The following SAMD9 variants were observed in gnomAD, a reference collection of about 807,000 sequenced individuals.
The protein encoded by SAMD9 is sterile alpha motif domain-containing protein 9.
In SAMD9, 3 loss-of-function variants were observed where a neutral mutation model predicts 1.5. That is an observed-to-expected ratio of 2.05 (90% CI 0.93 to 5.29). The LOEUF (loss-of-function observed/expected upper bound fraction) is 5.29, where lower values mean the gene tolerates loss of function less well. SAMD9 is among the 30% of genes most tolerant of loss of function. The probability of loss-of-function intolerance (pLI) is 0.02; values close to 1 mark genes in which losing one functional copy is unlikely to be tolerated. For missense variants in SAMD9, 1,597 were observed against 1,820.8 expected (o/e 0.88, Z 2.24); for synonymous variants, 635 against 631.9 (o/e 1.00, Z -0.07).
intron 2 of SAMD9, among the ~76,000 whole-genome samples, chr7:93,108,392 A>C (rs1478232534): frequency 6.6e-6 from 1 of 152,208 alleles, no homozygotes; most frequent in African/African-American, 2.4e-5. Flanking sequence ...TGTGAGAGAC[A>C]CAGAAGACAG....
In SAMD9 at chr7:93,101,448, T is replaced by G. The variant is rs1010471161; in HGVS notation, c.4650A>C (p.Thr1550=). ...CTAAAAAAGCGGGAGTGATGGGTAT[T>G]GTGATTTTTTCATTGATTCCATATT... The part of the protein sequence containing the change: ...YIEYGINEKI[T]IPITPAFLGQ... The change falls in exon 3 of 3, where the codon ACA becomes ACC. Residue 1550 remains threonine, a synonymous_variant. Coordinates refer to ENST00000379958, the MANE Select transcript of SAMD9 (RefSeq NM_017654.4). The G allele has an allele frequency of 1.2e-6, 2 of 1,613,662 alleles. No individual in the cohort carries two copies. Among genetic ancestry groups the G allele is most frequent in the Admixed American group, 3.3e-5 (2 of 59,958 alleles).
rs1791748330 is a variant in SAMD9 at position 93,111,752 on chromosome 7, A to T, written c.-9+3043T>A. ...CGACACATACACCCTCCCAAGACTA[A>T]ATCAGGAAGAAGTTGAATCCCTGAA... On this transcript the variant is annotated intron_variant, in intron 2 of 2. Coordinates refer to ENST00000379958, the MANE Select transcript of SAMD9 (RefSeq NM_017654.4). Among the ~76,000 whole-genome samples, 3 of 152,278 alleles carry T rather than the reference A, an allele frequency of 2.0e-5. No individual in the cohort carries two copies. In the South Asian group the frequency reaches 6.3e-4, roughly 32 times the overall value.
In SAMD9 at chr7:93,102,860, G is replaced by C. The variant is rs1175313979; in HGVS notation, c.3238C>G (p.Pro1080Ala). ...AACGCTTGGCAAATGAATGCATTTGGGTTGAACCGATGGATACTTTCAAGC... is the reference window on the plus strand; with the variant it reads ...AACGCTTGGCAAATGAATGCATTTGCGTTGAACCGATGGATACTTTCAAGC... ...VLLESIHRFN[P>A]NAFICQALAR... is the part of the protein sequence containing the mutation. Residue 1080 changes from proline (P) to alanine (A), a missense_variant, in exon 3 of 3, where the codon CCA (proline) becomes GCA (alanine). Around this residue, in one of 6 missense-constraint regions of SAMD9, gnomAD observed 682 missense variants for 810.0 expected, o/e 0.84. Transcript: ENST00000379958. 1 of 1,613,742 alleles carries C rather than the reference G, an allele frequency of 6.2e-7. No homozygotes were observed. The highest frequency in any genetic ancestry group is 2.2e-5 in the East Asian group (1 of 44,866).
rs767825338 is a variant in SAMD9 at position 93,100,430 on chromosome 7, A to G, written c.*898T>C. 5.9e-5 allele frequency: 9 copies of G among 152,092 alleles called. No homozygotes were observed. The highest frequency in any genetic ancestry group is 9.7e-5 in the African/African-American group (4 of 41,418). The allele number at this position is 152,092 out of a possible 1,614,324, so 9.4% of individuals were successfully genotyped here. On this transcript the variant is annotated 3_prime_UTR_variant, in exon 3 of 3. Coordinates refer to ENST00000379958, the MANE Select transcript of SAMD9 (RefSeq NM_017654.4). ...ATCCATTAGAAATTTTTGTTTTTTA[A>G]TCAGCTTTCCACTTAATGGTTTTGG...
At chr7:93,112,739 C>G (rs1227889194) in intron 2 of SAMD9, among the ~76,000 whole-genome samples, 1 of 152,116 alleles carries the variant, frequency 6.6e-6, no homozygotes, top group Non-Finnish European at 1.5e-5. Context: ...AGGAATCCAA[C>G]TTACAAGGGA....
chr7:93,110,893 T>TCC (rs529186019), intron 2 of SAMD9, among the ~76,000 whole-genome samples: 28 of 152,168 alleles, frequency 1.8e-4, no homozygotes, highest in Non-Finnish European at 3.2e-4. Context: ...ATTAGACAGA[T>TCC]CCACGAGACA....
At chr7:93,116,469 C>G (rs1374028507) in intron 1 of SAMD9, among the ~76,000 whole-genome samples, 1 of 152,114 alleles carries the variant, frequency 6.6e-6, no homozygotes, top group Non-Finnish European at 1.5e-5. Context: ...CACACTTCTT[C>G]CCCTAAAGCT....
At position 93,102,593 on chromosome 7, in the gene SAMD9, G is replaced by C; in HGVS notation, c.3505C>G (p.Gln1169Glu). Reference protein sequence around the residue: ...ASSAFKESQQQSEDREYEVKE... With the variant: ...ASSAFKESQQESEDREYEVKE... The stretch of plus-strand genomic sequence containing the variant: ...ACTTCATACTCTCTATCTTCACTTT[G>C]CTGTTGAGATTCTTTGAATGCACTT... The change falls in exon 3 of 3, where the codon CAA (glutamine) becomes GAA (glutamate). Residue 1169 changes from glutamine to glutamate, a missense_variant. Physicochemically the swap from Gln to Glu is conservative, Grantham distance 29. Coordinates refer to ENST00000379958, the MANE Select transcript of SAMD9 (RefSeq NM_017654.4). The C allele has an allele frequency of 6.2e-7, 1 of 1,613,696 alleles. No homozygotes were observed. Among genetic ancestry groups the C allele is most frequent in the African/African-American group, 1.3e-5 (1 of 74,982 alleles).
chr7:93,104,909 A>C lies in SAMD9; in HGVS notation c.1189T>G (p.Leu397Val). The C allele has an allele frequency of 6.2e-7, 1 of 1,612,816 alleles. No individual in the cohort carries two copies. Among genetic ancestry groups the C allele is most frequent in the Non-Finnish European group, 8.5e-7 (1 of 1,179,514 alleles). The change falls in exon 3 of 3, where the codon TTA becomes GTA. Residue 397 changes from leucine (L) to valine (V), a missense_variant. Physicochemically the swap from Leu to Val is conservative, Grantham distance 32 (BLOSUM62 1). Around this residue, in one of 6 missense-constraint regions of SAMD9, gnomAD observed 358 missense variants for 460.4 expected, o/e 0.78. Transcript: ENST00000379958. ...KEREGPKLVKLLTGNQDLLDN... is the reference protein window; with the variant it reads ...KEREGPKLVKVLTGNQDLLDN... ...AACAAATCTTGATTTCCTGTCAATAATTTAACCAACTTTGGTCCCTCTCTT... is the reference window on the plus strand; with the variant it reads ...AACAAATCTTGATTTCCTGTCAATACTTTAACCAACTTTGGTCCCTCTCTT...
Position 93,104,803 on chromosome 7 carries a change from T to C in SAMD9, c.1295A>G (p.Lys432Arg), listed in dbSNP as rs1272839868. 1 of 1,613,714 alleles carries C rather than the reference T, an allele frequency of 6.2e-7. No individual in the cohort carries two copies. The highest frequency in any genetic ancestry group is 8.5e-7 in the Non-Finnish European group (1 of 1,179,832). Reference protein sequence around the residue: ...PDQTKHLDFLKEIKWFAVLEF... With the variant: ...PDQTKHLDFLREIKWFAVLEF... Reference sequence around the variant, plus strand: ...CAATACAGCAAACCATTTAATTTCCTTCAGGAAATCTAAGTGTTTTGTTTG... The same window carrying C: ...CAATACAGCAAACCATTTAATTTCCCTCAGGAAATCTAAGTGTTTTGTTTG... Residue 432 changes from lysine to arginine, a missense_variant, in exon 3 of 3, where the codon AAG becomes AGG. By Grantham distance (26) the Lys-to-Arg change is conservative. Transcript: ENST00000379958.
Position 93,106,034 on chromosome 7 carries a change from A to G in SAMD9, c.64T>C (p.Trp22Arg). ...DDWTKEDVNQ[W>R]LESHKIDQKH... ...TGGTCAATCTTATGACTTTCTAACCACTGATTTACATCCTCTTTTGTCCAA... is the reference window on the plus strand; with the variant it reads ...TGGTCAATCTTATGACTTTCTAACCGCTGATTTACATCCTCTTTTGTCCAA... Residue 22 changes from tryptophan to arginine, a missense_variant, in exon 3 of 3, where the codon TGG (tryptophan) becomes CGG (arginine). Physicochemically the swap from Trp to Arg is moderately radical, Grantham distance 101. Transcript: ENST00000379958. 6.3e-7 allele frequency: 1 copy of G among 1,590,610 alleles called. No homozygotes were observed. Among genetic ancestry groups the G allele is most frequent in the South Asian group, 1.2e-5 (1 of 85,934 alleles).
rs776423173 is a variant in SAMD9, at chr7:93,103,513, T to G, written c.2585A>C (p.Gln862Pro). 1 of 1,613,830 alleles carries G rather than the reference T, an allele frequency of 6.2e-7. No homozygotes were observed. Among genetic ancestry groups the G allele is most frequent in the Non-Finnish European group, 8.5e-7 (1 of 1,179,750 alleles). Reference protein sequence around the residue: ...AVIQQLSPKEQRAFELKLKEI... With the variant: ...AVIQQLSPKEPRAFELKLKEI... ...TTTCAATTTAAGCTCAAAAGCTCTC[T>G]GTTCTTTGGGAGAGAGTTGCTGTAT... Residue 862 changes from glutamine to proline, a missense_variant, in exon 3 of 3, where the codon CAG (glutamine) becomes CCG (proline). By Grantham distance (76) the Gln-to-Pro change is moderately conservative. Transcript: ENST00000379958.
intron 2 of SAMD9, among the ~76,000 whole-genome samples, chr7:93,114,478 C>T (rs561454661): frequency 6.6e-6 from 1 of 152,124 alleles, no homozygotes; most frequent in East Asian, 1.9e-4. Flanking sequence ...GACTGAAAAT[C>T]ATGAACCTAA....
rs758054589 is a variant in SAMD9 at position 93,105,990 on chromosome 7, C to G, written c.108G>C (p.Leu36Phe). 6.3e-7 allele frequency: 1 copy of G among 1,593,296 alleles called. No homozygotes were observed. The highest frequency in any genetic ancestry group is 1.4e-5 in the African/African-American group (1 of 73,780). Residue 36 changes from leucine to phenylalanine, a missense_variant, in exon 3 of 3, where the codon TTG becomes TTC. Physicochemically the swap from Leu to Phe is conservative, Grantham distance 22. Around this residue, in one of 6 missense-constraint regions of SAMD9, gnomAD observed 498 missense variants for 457.4 expected, o/e 1.09. Coordinates refer to ENST00000379958, the MANE Select transcript of SAMD9 (RefSeq NM_017654.4). ...CTGCTCCATTCACGTCTTGTTCAGT[C>G]AAAATTTCCCTGTGTTTTTGGTCAA... ...HKIDQKHREI[L>F]TEQDVNGAVL...
intron 2 of SAMD9, among the ~76,000 whole-genome samples, chr7:93,108,238 G>A (rs1335092259): frequency 6.6e-6 from 1 of 152,150 alleles, no homozygotes; most frequent in Non-Finnish European, 1.5e-5. Flanking sequence ...GATGTCCGGG[G>A]GACTGCATGT....
chr7:93,113,196 A>T (rs945223327), intron 2 of SAMD9, among the ~76,000 whole-genome samples: 1 of 152,234 alleles, frequency 6.6e-6, no homozygotes. Flanking sequence ...AAAAACAAGC[A>T]ATGGGGAAAG....
In SAMD9 at chr7:93,103,725, G is replaced by C. The variant is rs189020649; in HGVS notation, c.2373C>G (p.Tyr791Ter). 48 of 1,613,566 alleles carry C rather than the reference G, an allele frequency of 3.0e-5. No homozygotes were observed. The highest frequency in any genetic ancestry group is 3.6e-5 in the Non-Finnish European group (42 of 1,179,668). ...CATCAACAAGGAGTAGTACAGGTAC[G>C]TATTCCTGACGGTTCATTGCCCCAT... ...ITYGAMNRQE[Y>*]VPVLLLVDDF... is the part of the protein sequence containing the mutation. Residue 791 changes from tyrosine (Y) to a stop codon, truncating the protein, a stop_gained, in exon 3 of 3, where the codon TAC becomes TAG. Transcript: ENST00000379958. LOFTEE classifies it low-confidence loss of function (END_TRUNC).
At chr7:93,107,913 T>C (rs1791672265) in intron 2 of SAMD9, among the ~76,000 whole-genome samples, 1 of 152,154 alleles carries the variant, frequency 6.6e-6, no homozygotes, top group South Asian at 2.1e-4. Context: ...AGGTAAAGAG[T>C]ACACAGAATA....
intron 2 of SAMD9, among the ~76,000 whole-genome samples, chr7:93,113,999 C>T (rs1297792742): frequency 2.6e-5 from 4 of 152,044 alleles, no homozygotes; most frequent in African/African-American, 9.7e-5. Context: ...CACATGCACA[C>T]GTATGTTTAT....
Sources: allele counts gnomAD v4.1 joint callset (sites outside exome capture counted in the v4.1 genomes callset), GRCh38; gene constraint gnomAD v4.1.1; regional missense constraint gnomAD v4.1.1; transcripts MANE v1.5; gene names NCBI Gene and HGNC (gene_info 2026-07-23, HGNC 2026-07-21).